Variants in NALCN observed in about 807,000 individuals in gnomAD.
NALCN encodes sodium leak channel, non-selective.
Under a neutral mutation model 225.3 loss-of-function variants are expected in NALCN, and 111 were observed. The observed-to-expected ratio is 0.49, with a 90% CI of 0.42 to 0.58. NALCN has a LOEUF of 0.58. Among genes scored for constraint, NALCN ranks in the 20% least tolerant of loss-of-function variants. NALCN has a pLI of 0.00. For missense variants in NALCN, 1,378 were observed against 2,202.4 expected, an observed-to-expected ratio of 0.63 and a Z score of 7.49; for synonymous variants, 764 against 769.0, an observed-to-expected ratio of 0.99 and a Z score of 0.11.
At chr13:101,284,394 T>C (rs1424423925) in intron 9 of NALCN, among the ~76,000 whole-genome samples, 1 of 152,202 alleles carries the variant, frequency 6.6e-6, no homozygotes, top group African/African-American at 2.4e-5. Context: ...GCATTGTGTC[T>C]GGTGTGTTTT....
intron 10 of NALCN, among the ~76,000 whole-genome samples, chr13:101,259,192 G>A (rs999285492): frequency 2.6e-5 from 4 of 151,966 alleles, no homozygotes; most frequent in African/African-American, 9.7e-5. Context: ...GGAAACTGAG[G>A]CTCAAAGAGG....
chr13:101,158,356 G>C (rs2038004896), intron 15 of NALCN, among the ~76,000 whole-genome samples: 1 of 152,186 alleles, frequency 6.6e-6, no homozygotes, highest in East Asian at 1.9e-4. Context: ...AGCATGTCTT[G>C]GCTTGGCCTC....
chr13:101,076,280 A>G (rs1345475775), intron 34 of NALCN, among the ~76,000 whole-genome samples: 2 of 152,228 alleles, frequency 1.3e-5, no homozygotes, highest in Non-Finnish European at 2.9e-5. Context: ...GTCAACTGAC[A>G]TAGGAGGTAA....
At chr13:101,312,740 TTC>T (rs2044394104) in intron 7 of NALCN, among the ~76,000 whole-genome samples, 1 of 152,168 alleles carries the variant, frequency 6.6e-6, no homozygotes, top group Non-Finnish European at 1.5e-5. Flanking sequence ...TTGTTATAAT[TTC>T]TGTTCTTTTA....
Position 101,111,163 on chromosome 13 carries a change from T to C in NALCN, c.2256A>G (p.Ser752=), listed in dbSNP as rs2035411685. 1 of 1,609,012 alleles carries C rather than the reference T, an allele frequency of 6.2e-7. No individual in the cohort carries two copies. Among genetic ancestry groups the C allele is most frequent in the Non-Finnish European group, 8.5e-7 (1 of 1,176,074 alleles). Residue 752 remains serine (S), a synonymous_variant, in exon 19 of 44, where the codon TCA becomes TCG. Transcript: ENST00000251127. ...SFEGQPAKER[S]ILSVQHHIRQ... ...GGATATGATGCTGCACGCTGAGGAT[T>C]GACCTCTCCTTTGCGGGCTGCCCCT...
chr13:101,188,400 G>A (rs2039534853), intron 14 of NALCN, among the ~76,000 whole-genome samples: 1 of 152,118 alleles, frequency 6.6e-6, no homozygotes. Context: ...GACTTATAGG[G>A]AGAGAAGTAT....
chr13:101,262,133 A>T (rs2042449554), intron 10 of NALCN, among the ~76,000 whole-genome samples: 1 of 152,226 alleles, frequency 6.6e-6, no homozygotes, highest in Non-Finnish European at 1.5e-5. Context: ...CATTCTGTTG[A>T]TAGGATGTAT....
intron 17 of NALCN, among the ~76,000 whole-genome samples, chr13:101,139,897 C>T (rs1454610372): frequency 6.6e-6 from 1 of 152,196 alleles, no homozygotes; most frequent in Non-Finnish European, 1.5e-5. Flanking sequence ...ATCCTTATCA[C>T]TGAAATCCTT....
chr13:101,283,464 C>T (rs190026326), intron 10 of NALCN, among the ~76,000 whole-genome samples: 3 of 152,130 alleles, frequency 2.0e-5, no homozygotes, highest in Non-Finnish European at 2.9e-5. Flanking sequence ...GCCCCACCTG[C>T]AATCCTTATG....
chr13:101,175,915 G>T (rs2038939522), intron 15 of NALCN, among the ~76,000 whole-genome samples: 1 of 152,156 alleles, frequency 6.6e-6, no homozygotes, highest in African/African-American at 2.4e-5. Context: ...TAGAGACCAG[G>T]CAGGTTGATT....
intron 7 of NALCN, among the ~76,000 whole-genome samples, chr13:101,323,164 A>T (rs2044815009): frequency 6.6e-6 from 1 of 152,232 alleles, no homozygotes; most frequent in Non-Finnish European, 1.5e-5. Flanking sequence ...ACATATGTAT[A>T]CTTAATATAA....
At chr13:101,327,930 A>C (rs1361025686) in intron 7 of NALCN, among the ~76,000 whole-genome samples, 1 of 152,194 alleles carries the variant, frequency 6.6e-6, no homozygotes, top group Non-Finnish European at 1.5e-5. Flanking sequence ...TATGGGCCTC[A>C]GGGTTTCTGT....
At chr13:101,365,464 G>A (rs945936127) in intron 6 of NALCN, among the ~76,000 whole-genome samples, 4 of 151,846 alleles carry the variant, frequency 2.6e-5, no homozygotes, top group Non-Finnish European at 4.4e-5. Flanking sequence ...TCACTTATTT[G>A]CCAAGTACCC....
rs766012184 is a variant in NALCN, at chr13:101,111,202, C to A, written c.2217G>T (p.Leu739=). Residue 739 remains leucine, a synonymous_variant, in exon 19 of 44, where the codon CTG becomes CTT. Coordinates refer to ENST00000251127, the MANE Select transcript of NALCN (RefSeq NM_052867.4). The part of the protein sequence containing the change: ...ILRACTRQRM[L]SGSFEGQPAK... ...CGGGCTGCCCCTCAAATGATCCGCT[C>A]AGCATGCGCTGTCGGGTGCAAGCTC... 1 of 1,602,668 alleles carries A rather than the reference C, an allele frequency of 6.2e-7. No individual in the cohort carries two copies. The highest frequency in any genetic ancestry group is 8.5e-7 in the Non-Finnish European group (1 of 1,172,128).
At position 101,292,123 on chromosome 13, in the gene NALCN, A is replaced by T. The variant is rs754210609; in HGVS notation, c.943-29T>A. 4.3e-6 allele frequency: 7 copies of T among 1,613,258 alleles called. No homozygotes were observed. Among genetic ancestry groups the T allele is most frequent in the African/African-American group, 1.3e-5 (1 of 75,018 alleles). ...AAAAAAATCACAAACCACATTTACCAAAGTCTAAGAATGACAAAGCAGAGG... is the reference window on the plus strand; with the variant it reads ...AAAAAAATCACAAACCACATTTACCTAAGTCTAAGAATGACAAAGCAGAGG... On this transcript the variant is annotated intron_variant, in intron 8 of 43. Transcript: ENST00000251127. The surrounding 1 kb of genome is among the most constrained non-coding windows in gnomAD (Gnocchi z 4.3).
chr13:101,390,069 G>A (rs757231412), intron 3 of NALCN, among the ~76,000 whole-genome samples: 5 of 152,122 alleles, frequency 3.3e-5, no homozygotes, highest in African/African-American at 4.8e-5. Context: ...GTGACAGAGC[G>A]AGGTTCTGTC....
chr13:101,328,366 C>T lies in NALCN; in HGVS notation c.799+16900G>A, dbSNP rs548513681. On this transcript the variant is annotated intron_variant, in intron 7 of 43. Coordinates refer to ENST00000251127, the MANE Select transcript of NALCN (RefSeq NM_052867.4). The stretch of plus-strand genomic sequence containing the variant: ...TCGTTCTACAGCCCAGGCTAGAGTG[C>T]GGTGGCGTGATCTCGGCTCATTGCA... Among the ~76,000 whole-genome samples the T allele has an allele frequency of 4.6e-5, 7 of 152,084 alleles. No individual in the cohort carries two copies. In the East Asian group the frequency reaches 1.2e-3, roughly 25 times the overall value.
At chr13:101,355,430 CA>C (rs916691864) in intron 6 of NALCN, among the ~76,000 whole-genome samples, 1 of 150,516 alleles carries the variant, frequency 6.6e-6, no homozygotes, top group African/African-American at 2.4e-5. Flanking sequence ...TTTAAACAAA[CA>C]AAGATAAAAA....
chr13:101,328,440 T>C (rs2045042165), intron 7 of NALCN, among the ~76,000 whole-genome samples: 1 of 152,092 alleles, frequency 6.6e-6, no homozygotes, highest in South Asian at 2.1e-4. Context: ...GCCTCCCAAG[T>C]AGCTGGGACC....
Sources: gnomAD v4.1 joint callset for allele counts (sites outside exome capture counted in the v4.1 genomes callset) on GRCh38, gnomAD v4.1.1 for gene constraint, Gnocchi (gnomAD v3.1) non-coding constraint, MANE v1.5 for transcripts, NCBI Gene and HGNC (gene_info 2026-07-23, HGNC 2026-07-21) for gene names.